Variants in MAP3K7 observed in about 807,000 individuals in gnomAD.
MAP3K7 encodes TGF-beta activated kinase 1.
A neutral mutation model predicts 84.8 loss-of-function variants in MAP3K7; 21 were observed. The ratio of observed to expected loss-of-function variants is 0.25; its 90% CI spans 0.18 to 0.36. The LOEUF (loss-of-function observed/expected upper bound fraction) is 0.36, where lower values mean the gene tolerates loss of function less well. MAP3K7 is among the 10% of genes least tolerant of loss of function. The pLI, the probability that MAP3K7 is intolerant of heterozygous loss-of-function variation, is 1.00. For synonymous variants in MAP3K7, 241 were observed against 247.7 expected (o/e 0.97, Z 0.25); for missense variants, 503 against 747.7 (o/e 0.67, Z 3.82).
chr6:90,549,297 G>GT (rs1358504671), intron 9 of MAP3K7, among the ~76,000 whole-genome samples: 1 of 152,172 alleles, frequency 6.6e-6, no homozygotes, highest in East Asian at 1.9e-4. Context: ...GCGAGGAGGT[G>GT]TTTGAAGTCT....
At position 90,568,459 on chromosome 6, in the gene MAP3K7, T is replaced by TA. The variant is rs1000074322; in HGVS notation, c.297+98dup. 3.9e-4 allele frequency: 357 copies of TA among 920,114 alleles called. 1 individual carries two copies. Among genetic ancestry groups the TA allele is most frequent in the South Asian group, 2.0e-3 (112 of 56,576 alleles). 57.0% of individuals were successfully genotyped at this position (920,114 alleles called of 1,614,324 possible). A position where few individuals can be genotyped will look rare whatever the true frequency, so the allele number is the denominator to read the frequency against. ...AAAAATATAATATTTTTGAAAAACT[T>TA]AAAAAAAACAAAAAAACCCAAAAAT... On this transcript the variant is annotated intron_variant, in intron 3 of 16. Coordinates refer to ENST00000369329, the MANE Select transcript of MAP3K7 (RefSeq NM_145331.3).
intron 3 of MAP3K7, 61 bp downstream of exon 3, chr6:90,568,497 T>C (rs1776791476): frequency 2.9e-6 from 4 of 1,377,246 alleles, no homozygotes; most frequent in Non-Finnish European, 4.0e-6. Context: ...CTACATAAAC[T>C]ACACACACAC....
chr6:90,572,831 T>A (rs1450264047), intron 1 of MAP3K7, among the ~76,000 whole-genome samples: 1 of 152,026 alleles, frequency 6.6e-6, no homozygotes, highest in Non-Finnish European at 1.5e-5. Context: ...TTTCATAATA[T>A]AAAAAAAGAA....
intron 12 of MAP3K7, among the ~76,000 whole-genome samples, chr6:90,543,866 C>T (rs988751927): frequency 1.3e-5 from 2 of 151,886 alleles, no homozygotes; most frequent in Admixed American, 6.6e-5. Context: ...AAATGATCAC[C>T]ATAAGAAATA....
chr6:90,529,831 T>C (rs939797950), intron 13 of MAP3K7, among the ~76,000 whole-genome samples: 1 of 152,180 alleles, frequency 6.6e-6, no homozygotes, highest in Non-Finnish European at 1.5e-5. Flanking sequence ...ACTTTTTATA[T>C]TGTACTTCCC....
intron 1 of MAP3K7, among the ~76,000 whole-genome samples, chr6:90,575,990 T>C (rs1040576360): frequency 2.0e-5 from 3 of 151,890 alleles, no homozygotes; most frequent in African/African-American, 7.3e-5. Context: ...AAAATCGATA[T>C]ACAAACAAAA....
rs1386006788 is a variant in MAP3K7, at chr6:90,519,238, A to G, written c.1524+20T>C. The G allele has an allele frequency of 1.3e-6, 2 of 1,553,716 alleles. No homozygotes were observed. The highest frequency in any genetic ancestry group is 1.8e-6 in the Non-Finnish European group (2 of 1,134,772). Reference sequence around the variant, plus strand: ...CTAAGAAGAAAAAAGTCAACTTTCAATAAGAAAGTACTCCTTTACCTGTAG... The same window carrying G: ...CTAAGAAGAAAAAAGTCAACTTTCAGTAAGAAAGTACTCCTTTACCTGTAG... On this transcript the variant is annotated intron_variant, in intron 15 of 16. Transcript: ENST00000369329.
At chr6:90,568,486 G>T in intron 3 of MAP3K7, 72 bp downstream of exon 3, 1 of 1,268,750 alleles carries the variant, frequency 7.9e-7, no homozygotes, top group Non-Finnish European at 1.1e-6. Context: ...CCCAAAAATA[G>T]CTACATAAAC....
chr6:90,572,337 T>C (rs1381247555), intron 1 of MAP3K7, among the ~76,000 whole-genome samples: 2 of 152,104 alleles, frequency 1.3e-5, no homozygotes, highest in East Asian at 1.9e-4. Context: ...ATTTATTCCA[T>C]GGAATTTTAT....
rs149815990 is a variant in MAP3K7, at chr6:90,563,736, C to T, written c.298-2069G>A. On this transcript the variant is annotated intron_variant, in intron 3 of 16. Transcript: ENST00000369329. ...CAGAGAACGCCACAAAGATACTCCTCGAGAAGAGCAACTCCAAGATACATA... is the reference window on the plus strand; with the variant it reads ...CAGAGAACGCCACAAAGATACTCCTTGAGAAGAGCAACTCCAAGATACATA... Among the ~76,000 whole-genome samples the T allele has an allele frequency of 2.5e-3, 382 of 152,150 alleles. 8 individuals are homozygous for T. Among genetic ancestry groups the T allele is most frequent in the East Asian group, 0.015 (75 of 5,172 alleles).
At chr6:90,520,537 T>C (rs1775116039) in intron 14 of MAP3K7, among the ~76,000 whole-genome samples, 1 of 152,014 alleles carries the variant, frequency 6.6e-6, no homozygotes, top group African/African-American at 2.4e-5. Context: ...TACATGACGG[T>C]AGTTATCATT....
intron 6 of MAP3K7, among the ~76,000 whole-genome samples, chr6:90,556,157 ACTGT>A (rs904398212): frequency 2.5e-4 from 38 of 152,250 alleles, no homozygotes; most frequent in African/African-American, 8.2e-4. Context: ...GCGCATGCAC[ACTGT>A]CTGCGAGTAC....
At chr6:90,527,552 C>T (rs185660501) in intron 13 of MAP3K7, among the ~76,000 whole-genome samples, 1 of 152,074 alleles carries the variant, frequency 6.6e-6, no homozygotes, top group Non-Finnish European at 1.5e-5. Flanking sequence ...TAGGTGTGAG[C>T]CCCTGTGCCC....
At chr6:90,548,269 G>T in intron 9 of MAP3K7, 92 bp from the exon 10 acceptor site, 1 of 1,060,678 alleles carries the variant, frequency 9.4e-7, no homozygotes, top group Non-Finnish European at 1.3e-6. Flanking sequence ...TTATAAACTA[G>T]CCAGGCAGGA....
At chr6:90,585,630 TTA>T (rs1206897094) in intron 1 of MAP3K7, among the ~76,000 whole-genome samples, 2 of 152,220 alleles carry the variant, frequency 1.3e-5, no homozygotes, top group Admixed American at 6.5e-5. Flanking sequence ...TTTCTAAATT[TTA>T]TAGTCATTAG....
chr6:90,575,421 A>C (rs1777041294), intron 1 of MAP3K7, among the ~76,000 whole-genome samples: 1 of 152,190 alleles, frequency 6.6e-6, no homozygotes, highest in Admixed American at 6.5e-5. Flanking sequence ...GATCCCTAAG[A>C]GCAGGCATCC....
intron 13 of MAP3K7, among the ~76,000 whole-genome samples, chr6:90,530,817 G>C (rs1005234599): frequency 1.3e-4 from 20 of 152,268 alleles, no homozygotes; most frequent in East Asian, 5.8e-4. Context: ...AAACTAGTTT[G>C]TGGCTGAATT....
intron 4 of MAP3K7, 113 bp downstream of exon 4, chr6:90,561,509 C>A: frequency 1.4e-6 from 1 of 695,660 alleles, no homozygotes; most frequent in Non-Finnish European, 2.4e-6. Context: ...AAATTATGCC[C>A]TTTTGGGACT....
chr6:90,587,044 C>CA lies in MAP3K7; in HGVS notation c.-162_-161insT. ...GTAGAGGCAGCGGCCACAGCCGTGT[C>CA]CGGCTCTGGCTCCGCTGCGTTTTCC... On this transcript the variant is annotated 5_prime_UTR_variant, in exon 1 of 17. Transcript: ENST00000369329. 1.2e-6 allele frequency: 1 copy of CA among 810,142 alleles called. No homozygotes were observed. The highest frequency in any genetic ancestry group is 1.8e-6 in the Non-Finnish European group (1 of 568,224). The allele number at this position is 810,142 out of a possible 1,614,324, so 50.2% of individuals were successfully genotyped here.
Sources: gnomAD v4.1 joint callset for allele counts (sites outside exome capture counted in the v4.1 genomes callset) on GRCh38, gnomAD v4.1.1 for gene constraint, MANE v1.5 for transcripts, NCBI Gene and HGNC (gene_info 2026-07-23, HGNC 2026-07-21) for gene names.